The following STPG2 variants were observed in gnomAD, a reference collection of about 807,000 sequenced individuals.
STPG2 encodes sperm-tail PG-rich repeat-containing protein 2.
STPG2 carries 56 observed loss-of-function variants against 54.2 expected under a neutral mutation model. The ratio of observed to expected loss-of-function variants is 1.03; its 90% CI spans 0.83 to 1.29. STPG2 has a LOEUF of 1.29. STPG2 is among the 50% of genes most tolerant of loss of function. The probability of loss-of-function intolerance (pLI) is 0.00; values close to 1 mark genes in which losing one functional copy is unlikely to be tolerated. For synonymous variants in STPG2, 200 were observed against 181.8 expected (o/e 1.10, Z -0.81); for missense variants, 596 against 544.9 (o/e 1.09, Z -0.93).
At chr4:97,950,418 C>G (rs968077535) in intron 7 of STPG2, among the ~76,000 whole-genome samples, 12 of 152,140 alleles carry the variant, frequency 7.9e-5, no homozygotes, top group African/African-American at 2.4e-5. Flanking sequence ...TTGTAATTCC[C>G]TAAATGTGTC....
chr4:97,936,239 C>T (rs1231381507), intron 8 of STPG2, among the ~76,000 whole-genome samples: 1 of 152,092 alleles, frequency 6.6e-6, no homozygotes, highest in Non-Finnish European at 1.5e-5. Flanking sequence ...GGTAAATTTT[C>T]CTCCACCCCT....
chr4:97,944,789 C>T (rs918955506), intron 7 of STPG2, among the ~76,000 whole-genome samples: 1 of 152,208 alleles, frequency 6.6e-6, no homozygotes, highest in East Asian at 1.9e-4. Context: ...TTTACTAAAA[C>T]ATCCATTACC....
At chr4:97,614,856 T>A (rs746037965) in intron 10 of STPG2, among the ~76,000 whole-genome samples, 29 of 152,160 alleles carry the variant, frequency 1.9e-4, no homozygotes, top group Non-Finnish European at 3.2e-4. Flanking sequence ...TCAGTCAGAC[T>A]TGTGTAAGCT....
At chr4:97,699,173 C>T (rs1012450994) in intron 10 of STPG2, among the ~76,000 whole-genome samples, 6 of 152,176 alleles carry the variant, frequency 3.9e-5, no homozygotes, top group African/African-American at 1.4e-4. Context: ...AAATTGGGCA[C>T]TCGACAGTGG....
At chr4:97,648,090 C>G (rs1412899408) in intron 10 of STPG2, among the ~76,000 whole-genome samples, 1 of 152,134 alleles carries the variant, frequency 6.6e-6, no homozygotes, top group Non-Finnish European at 1.5e-5. Context: ...CCTTTAGTTG[C>G]TGGCGTGGTC....
intron 10 of STPG2, among the ~76,000 whole-genome samples, chr4:97,568,895 G>GTT (rs1413653754): frequency 1.5e-5 from 2 of 130,812 alleles, no homozygotes; most frequent in African/African-American, 5.5e-5. Context: ...TTTGTTTTTT[G>GTT]TTTTGTTTTT....
At chr4:97,852,424 T>A (rs1729189077) in intron 8 of STPG2, among the ~76,000 whole-genome samples, 2 of 152,140 alleles carry the variant, frequency 1.3e-5, no homozygotes, top group African/African-American at 4.8e-5. Flanking sequence ...TAAGAGGCCC[T>A]CAAGAACCTC....
chr4:97,873,191 T>C (rs1439971143), intron 8 of STPG2, among the ~76,000 whole-genome samples: 1 of 151,060 alleles, frequency 6.6e-6, no homozygotes, highest in East Asian at 1.9e-4. Flanking sequence ...CTCCCTCCCT[T>C]CCTTCCTTCT....
intron 8 of STPG2, among the ~76,000 whole-genome samples, chr4:97,934,396 T>C (rs987729578): frequency 3.9e-5 from 6 of 152,304 alleles, no homozygotes; most frequent in African/African-American, 9.6e-5. Context: ...TCAAATACTA[T>C]GTTGAAAAGG....
intron 10 of STPG2, among the ~76,000 whole-genome samples, chr4:97,701,823 A>T (rs1280898256): frequency 6.6e-6 from 1 of 152,132 alleles, no homozygotes; most frequent in East Asian, 1.9e-4. Flanking sequence ...GCTGTCCATC[A>T]CAGTAGCTAC....
intron 5 of STPG2, among the ~76,000 whole-genome samples, chr4:97,999,930 G>A (rs567945309): frequency 2.6e-5 from 4 of 152,144 alleles, no homozygotes; most frequent in Non-Finnish European, 4.4e-5. Flanking sequence ...ATTAAATGTG[G>A]TGTCCAGAGA....
At chr4:98,034,020 C>T (rs1415091553) in intron 5 of STPG2, among the ~76,000 whole-genome samples, 4 of 152,128 alleles carry the variant, frequency 2.6e-5, no homozygotes, top group East Asian at 3.9e-4. Context: ...AAGCTGGAAG[C>T]ATTCCCTTTG....
intron 5 of STPG2, chr4:98,025,842 C>T: frequency 6.3e-7 from 1 of 1,596,930 alleles, no homozygotes; most frequent in Non-Finnish European, 8.5e-7. Flanking sequence ...CTTGCCAGAA[C>T]TACCACTGGC....
chr4:97,572,029 A>G lies in STPG2; in HGVS notation c.1321-12912T>C, dbSNP rs531505396. 1.5e-4 allele frequency among the ~76,000 whole-genome samples: 23 copies of G among 152,306 alleles called. No individual in the cohort carries two copies. The East Asian group carries it at 2.7e-3, about 18-fold the overall frequency. On this transcript the variant is annotated intron_variant, in intron 10 of 10. Transcript: ENST00000295268. Reference sequence around the variant, plus strand: ...AAATTAAGTGAAATAATCGCTCAAAATGAAGTTTTGTACACTGCTTGAATA... The same window carrying G: ...AAATTAAGTGAAATAATCGCTCAAAGTGAAGTTTTGTACACTGCTTGAATA...
intron 10 of STPG2, among the ~76,000 whole-genome samples, chr4:97,698,469 T>C (rs1482146121): frequency 2.0e-5 from 3 of 152,172 alleles, no homozygotes; most frequent in Non-Finnish European, 4.4e-5. Flanking sequence ...GTGGCAATCT[T>C]AACTTCCAAT....
At chr4:97,452,370 G>A (rs1271873848) in intron 4 of STPG2, among the ~76,000 whole-genome samples, 1 of 152,114 alleles carries the variant, frequency 6.6e-6, no homozygotes, top group Non-Finnish European at 1.5e-5. Context: ...GTGGAATGGG[G>A]CAGGTCTCCA....
chr4:97,919,238 A>G (rs1003894684), intron 8 of STPG2, among the ~76,000 whole-genome samples: 38 of 151,960 alleles, frequency 2.5e-4, no homozygotes, highest in Non-Finnish European at 2.5e-4. Flanking sequence ...TATATACATA[A>G]TCAAAAAGAA....
At chr4:97,927,012 G>A (rs1732355103) in intron 8 of STPG2, among the ~76,000 whole-genome samples, 1 of 152,064 alleles carries the variant, frequency 6.6e-6, no homozygotes, top group African/African-American at 2.4e-5. Context: ...AATAGTTAAG[G>A]AAACTGAAAT....
intron 4 of STPG2, among the ~76,000 whole-genome samples, chr4:97,456,062 T>C (rs1729509586): frequency 6.6e-6 from 1 of 152,236 alleles, no homozygotes; most frequent in Non-Finnish European, 1.5e-5. Context: ...TAAAAACTTT[T>C]GTTCTGCAAA....
Sources: gnomAD v4.1 joint callset for allele counts (sites outside exome capture counted in the v4.1 genomes callset) on GRCh38, gnomAD v4.1.1 for gene constraint, MANE v1.5 for transcripts, NCBI Gene and HGNC (gene_info 2026-07-23, HGNC 2026-07-21) for gene names.